STXBP4: variants seen among roughly 807,000 people sequenced by gnomAD.
STXBP4 encodes the protein syntaxin binding protein 4, also known as syntaxin-binding protein 4.
A neutral mutation model predicts 76.1 loss-of-function variants in STXBP4; 55 were observed. The observed-to-expected ratio is 0.72, with a 90% CI of 0.58 to 0.91. STXBP4 has a LOEUF of 0.91. Among genes scored for constraint, STXBP4 ranks in the 40% least tolerant of loss-of-function variants. The probability of loss-of-function intolerance (pLI) is 0.00; values close to 1 mark genes in which losing one functional copy is unlikely to be tolerated. For missense variants in STXBP4, 618 were observed against 636.9 expected (o/e 0.97, Z 0.32); for synonymous variants, 201 against 220.2 (o/e 0.91, Z 0.77).
intron 7 of STXBP4, among the ~76,000 whole-genome samples, chr17:55,006,172 T>C (rs919142248): frequency 8.5e-5 from 13 of 152,110 alleles, no homozygotes; most frequent in Non-Finnish European, 1.5e-4. Flanking sequence ...TTTAATTCCA[T>C]TTGAAGCTAA....
At chr17:55,112,873 C>A (rs1266886711) in intron 16 of STXBP4, among the ~76,000 whole-genome samples, 2 of 151,930 alleles carry the variant, frequency 1.3e-5, no homozygotes, top group East Asian at 3.9e-4. Flanking sequence ...AGAGGAAACT[C>A]ATGGAGAAGG....
At chr17:55,105,838 A>T (rs244376) in intron 16 of STXBP4, among the ~76,000 whole-genome samples, 1 of 151,978 alleles carries the variant, frequency 6.6e-6, no homozygotes, top group Non-Finnish European at 1.5e-5. Flanking sequence ...GTTATGATTT[A>T]CATTCTTTTG....
chr17:55,141,379 C>G lies in STXBP4; in HGVS notation c.1547+12C>G. The G allele has an allele frequency of 6.2e-7, 1 of 1,606,134 alleles. No individual in the cohort carries two copies. Among genetic ancestry groups the G allele is most frequent in the East Asian group, 2.2e-5 (1 of 44,592 alleles). On this transcript the variant is annotated intron_variant, in intron 17 of 17. Coordinates refer to ENST00000376352, the MANE Select transcript of STXBP4 (RefSeq NM_178509.6). Reference sequence around the variant, plus strand: ...AAGTACTTCATCAAGTAAGTACAAGCATCTCAACCAAGTAAGCAATTTTCT... The same window carrying G: ...AAGTACTTCATCAAGTAAGTACAAGGATCTCAACCAAGTAAGCAATTTTCT...
chr17:55,102,206 C>T (rs762558023), intron 16 of STXBP4, among the ~76,000 whole-genome samples: 8 of 151,842 alleles, frequency 5.3e-5, no homozygotes, highest in Non-Finnish European at 7.4e-5. Context: ...ATACACATGC[C>T]ATGGTGGTTT....
At chr17:55,146,750 T>C (rs541579993) in intron 17 of STXBP4, among the ~76,000 whole-genome samples, 1 of 151,124 alleles carries the variant, frequency 6.6e-6, no homozygotes, top group Non-Finnish European at 1.5e-5. Context: ...AGTGGCTTAG[T>C]GAGCTGGCTG....
chr17:55,178,487 C>T (rs2080438861), downstream of STXBP4, among the ~76,000 whole-genome samples: 1 of 152,182 alleles, frequency 6.6e-6, no homozygotes, highest in African/African-American at 2.4e-5. Context: ...TGAAGGATTA[C>T]ATTAAATAAG....
intron 17 of STXBP4, among the ~76,000 whole-genome samples, chr17:55,141,585 CA>C (rs2080095021): frequency 6.6e-6 from 1 of 152,070 alleles, no homozygotes; most frequent in Non-Finnish European, 1.5e-5. Context: ...AGGGAAACAT[CA>C]AAAAATTGGA....
intron 9 of STXBP4, among the ~76,000 whole-genome samples, chr17:55,033,864 T>C (rs2078553662): frequency 6.6e-6 from 1 of 152,200 alleles, no homozygotes; most frequent in South Asian, 2.1e-4. Flanking sequence ...AATCATAATA[T>C]TGTCAAATGT....
chr17:54,984,718 G>T (rs940509493), intron 1 of STXBP4, among the ~76,000 whole-genome samples: 1 of 152,084 alleles, frequency 6.6e-6, no homozygotes, highest in African/African-American at 2.4e-5. Context: ...TGAATCAGTT[G>T]CTGATGTGCT....
intron 13 of STXBP4, among the ~76,000 whole-genome samples, chr17:55,076,813 A>G (rs1232259515): frequency 6.6e-6 from 1 of 151,928 alleles, no homozygotes; most frequent in Non-Finnish European, 1.5e-5. Context: ...TTTTCTCTTT[A>G]CCTTTTCTCC....
At chr17:55,147,499 T>C (rs2080170843) in intron 17 of STXBP4, among the ~76,000 whole-genome samples, 1 of 152,212 alleles carries the variant, frequency 6.6e-6, no homozygotes, top group African/African-American at 2.4e-5. Context: ...TGAATTATAC[T>C]GTTGGTGATT....
chr17:55,205,473 A>G, the STXBP4 span, among the ~76,000 whole-genome samples: 3 of 152,076 alleles, frequency 2.0e-5, no homozygotes, highest in Non-Finnish European at 4.4e-5. Flanking sequence ...AGGGCAAAAG[A>G]TACCATAAGC....
chr17:54,995,523 A>G (rs975130620), intron 4 of STXBP4, among the ~76,000 whole-genome samples: 2 of 152,242 alleles, frequency 1.3e-5, no homozygotes, highest in Non-Finnish European at 2.9e-5. Context: ...TATGTAATAT[A>G]CTTATGAGTG....
intron 16 of STXBP4, among the ~76,000 whole-genome samples, chr17:55,110,854 T>C (rs976909680): frequency 6.6e-6 from 1 of 152,166 alleles, no homozygotes; most frequent in Admixed American, 6.5e-5. Flanking sequence ...CAGGACTTGG[T>C]TATAGACTGT....
At position 54,974,850 on chromosome 17, in the gene STXBP4, G is replaced by C. The variant is rs1227132368; in HGVS notation, c.-157+6035G>C. Among the ~76,000 whole-genome samples the C allele has an allele frequency of 3.3e-5, 5 of 152,176 alleles. No homozygotes were observed. In the East Asian group the frequency reaches 9.6e-4, roughly 29 times the overall value. ...TTAGAGGCAGTTTTGCAAACTCATA[G>C]TTATACCCGCTTTTAATTATATGCA... On this transcript the variant is annotated intron_variant, in intron 1 of 17. Transcript: ENST00000376352.
the STXBP4 span, among the ~76,000 whole-genome samples, chr17:55,189,475 G>C: frequency 2.0e-5 from 3 of 152,112 alleles, no homozygotes; most frequent in Non-Finnish European, 4.4e-5. Flanking sequence ...CCAACAAATG[G>C]ATGAAAGGAT....
intron 16 of STXBP4, among the ~76,000 whole-genome samples, chr17:55,122,669 A>G (rs1009047027): frequency 1.8e-4 from 27 of 152,308 alleles, no homozygotes; most frequent in African/African-American, 5.8e-4. Context: ...AATTCCATCT[A>G]GTTTGAATTT....
chr17:55,202,595 A>C, the STXBP4 span, among the ~76,000 whole-genome samples: 1 of 152,128 alleles, frequency 6.6e-6, no homozygotes, highest in Non-Finnish European at 1.5e-5. Flanking sequence ...ACTGGCCAGG[A>C]ATTCGGACTG....
chr17:55,000,258 A>G (rs1370458557), intron 6 of STXBP4: 3 of 985,296 alleles, frequency 3.0e-6, no homozygotes, highest in East Asian at 2.3e-4. Context: ...CATCCAATCT[A>G]AGAAGGTATT....
Sources: allele counts gnomAD v4.1 joint callset (sites outside exome capture counted in the v4.1 genomes callset), GRCh38; gene constraint gnomAD v4.1.1; transcripts MANE v1.5; gene names NCBI Gene and HGNC (gene_info 2026-07-23, HGNC 2026-07-21).